Variants in SPOCK2 observed in about 807,000 individuals in gnomAD.
SPOCK2 encodes the protein SPARC (osteonectin), cwcv and kazal like domains proteoglycan 2.
SPOCK2 carries 39 observed loss-of-function variants against 60.1 expected under a neutral mutation model. The observed-to-expected ratio is 0.65, with a 90% CI of 0.50 to 0.85. SPOCK2 has a LOEUF of 0.85. SPOCK2 is among the 40% of genes least tolerant of loss of function. The pLI is 0.00. For missense variants in SPOCK2, 523 were observed against 567.4 expected, an observed-to-expected ratio of 0.92 and a Z score of 0.80; for synonymous variants, 217 against 231.5, an observed-to-expected ratio of 0.94 and a Z score of 0.57.
chr10:72,077,917 G>A (rs1385228288), intron 1 of SPOCK2, among the ~76,000 whole-genome samples: 3 of 152,168 alleles, frequency 2.0e-5, no homozygotes, highest in Non-Finnish European at 2.9e-5. Context: ...AGCGCCTCCT[G>A]AGGGTCTCCC....
chr10:72,065,328 G>A (rs563349132), intron 8 of SPOCK2, among the ~76,000 whole-genome samples: 42 of 152,292 alleles, frequency 2.8e-4, no homozygotes, highest in African/African-American at 9.6e-4. Context: ...GAGCCACCGC[G>A]CCCGGTCTAT....
intron 9 of SPOCK2, among the ~76,000 whole-genome samples, chr10:72,063,574 G>A (rs73273212): frequency 0.11 from 16,787 of 152,252 alleles, 974 homozygotes; most frequent in Admixed American, 0.16. Flanking sequence ...CTCTGAGTCC[G>A]ACCTGCCTCC....
chr10:72,072,133 A>C lies in SPOCK2; in HGVS notation c.359+11T>G. 1 of 1,483,794 alleles carries C rather than the reference A, an allele frequency of 6.7e-7. No individual in the cohort carries two copies. Among genetic ancestry groups the C allele is most frequent in the Non-Finnish European group, 9.0e-7 (1 of 1,115,368 alleles). 91.9% of individuals were successfully genotyped at this position (1,483,794 alleles called of 1,614,324 possible). On this transcript the variant is annotated intron_variant, in intron 4 of 10. Coordinates refer to ENST00000373109, the MANE Select transcript of SPOCK2 (RefSeq NM_001244950.2). ...CCCCCTCCAGGGCTCCCACCTCCCC[A>C]AACCTCTCACCTGTGCTCCAGCTTC...
intron 9 of SPOCK2, 96 bp downstream of exon 9, chr10:72,064,082 T>A: frequency 6.7e-7 from 1 of 1,483,552 alleles, no homozygotes. Context: ...GGGCTCCATG[T>A]CTGCCATGAG....
intron 8 of SPOCK2, among the ~76,000 whole-genome samples, chr10:72,066,006 A>C (rs1840562759): frequency 6.6e-6 from 1 of 152,174 alleles, no homozygotes; most frequent in Non-Finnish European, 1.5e-5. Context: ...CCCCACCAAG[A>C]TGGGGAGAAG....
At chr10:72,068,541 C>T (rs1419949066) in intron 5 of SPOCK2, among the ~76,000 whole-genome samples, 2 of 152,228 alleles carry the variant, frequency 1.3e-5, no homozygotes, top group Non-Finnish European at 2.9e-5. Context: ...TGAGCCTGCT[C>T]GGCCCTCTCT....
chr10:72,069,191 T>A (rs1840612310), intron 5 of SPOCK2: 1 of 159,756 alleles, frequency 6.3e-6, no homozygotes, highest in African/African-American at 2.4e-5. Flanking sequence ...CTCTGCCAGC[T>A]CCCCTGCACC....
chr10:72,086,439 T>A, intron 1 of SPOCK2: 1 of 1,038,208 alleles, frequency 9.6e-7, no homozygotes, highest in Non-Finnish European at 1.2e-6. Context: ...AAGCATTTCT[T>A]TTCCCTCTGA....
chr10:72,064,793 C>T (rs533056616), intron 8 of SPOCK2, among the ~76,000 whole-genome samples: 16 of 152,168 alleles, frequency 1.1e-4, no homozygotes, highest in East Asian at 1.9e-4. Flanking sequence ...TGCATTGGCG[C>T]GATCTCGGCT....
chr10:72,077,427 T>G (rs1163244210), intron 1 of SPOCK2, among the ~76,000 whole-genome samples: 2 of 152,052 alleles, frequency 1.3e-5, no homozygotes, highest in African/African-American at 4.8e-5. Context: ...ACTGTGCCCT[T>G]CCCCAAGGAG....
At chr10:72,064,135 C>A (rs112861648) in intron 9 of SPOCK2, 43 bp downstream of exon 9, 4 of 1,601,568 alleles carry the variant, frequency 2.5e-6, no homozygotes. Flanking sequence ...ACCCAGGAAG[C>A]CGTCCCCACC....
chr10:72,062,681 G>A lies in SPOCK2; in HGVS notation c.*79C>T. On this transcript the variant is annotated 3_prime_UTR_variant, in exon 11 of 11. Transcript: ENST00000373109. The surrounding 1 kb of genome is among the most constrained non-coding windows in gnomAD (Gnocchi z 4.3). Reference sequence around the variant, plus strand: ...GCAGGGTCCTTCTGACTGCATTTCTGGATCCGTTCTCGAAGTTGCCTGCTG... The same window carrying A: ...GCAGGGTCCTTCTGACTGCATTTCTAGATCCGTTCTCGAAGTTGCCTGCTG... 1.3e-6 allele frequency: 2 copies of A among 1,529,302 alleles called. No homozygotes were observed. The highest frequency in any genetic ancestry group is 2.5e-5 in the South Asian group (2 of 80,388). 94.7% of individuals were successfully genotyped at this position (1,529,302 alleles called of 1,614,324 possible).
intron 1 of SPOCK2, among the ~76,000 whole-genome samples, chr10:72,083,889 C>T (rs974524517): frequency 4.6e-5 from 7 of 152,224 alleles, no homozygotes; most frequent in Non-Finnish European, 1.0e-4. Context: ...TTCTCACACA[C>T]CCACACTTAC....
chr10:72,082,438 C>T (rs138292441), intron 1 of SPOCK2, among the ~76,000 whole-genome samples: 7 of 152,336 alleles, frequency 4.6e-5, no homozygotes, highest in African/African-American at 1.2e-4. Flanking sequence ...GTGTCCCCCC[C>T]AGACCCATAT....
In SPOCK2 at chr10:72,088,461, G is replaced by A; in HGVS notation, c.-133C>T. ...CCGCGGTCTGCCTCCGGTGACTGGC[G>A]GAGAGTGGGTCGCGGCTGAAATGTG... On this transcript the variant is annotated 5_prime_UTR_variant, in exon 1 of 11. Transcript: ENST00000373109. 2 of 1,087,744 alleles carry A rather than the reference G, an allele frequency of 1.8e-6. No homozygotes were observed. The highest frequency in any genetic ancestry group is 2.5e-6 in the Non-Finnish European group (2 of 785,586). The allele number at this position is 1,087,744 out of a possible 1,614,324, so 67.4% of individuals were successfully genotyped here.
intron 1 of SPOCK2, among the ~76,000 whole-genome samples, chr10:72,078,972 C>T (rs969154522): frequency 2.6e-5 from 4 of 152,218 alleles, no homozygotes; most frequent in Non-Finnish European, 5.9e-5. Flanking sequence ...TAGTAATACA[C>T]ACTCCTAACA....
chr10:72,081,454 G>T (rs940700687), intron 1 of SPOCK2, among the ~76,000 whole-genome samples: 1 of 152,246 alleles, frequency 6.6e-6, no homozygotes, highest in Non-Finnish European at 1.5e-5. Context: ...GAAGACAGCA[G>T]GAGGGGGCTG....
Position 72,061,227 on chromosome 10 carries a change from G to A in SPOCK2, c.*1533C>T, listed in dbSNP as rs895614952. On this transcript the variant is annotated 3_prime_UTR_variant, in exon 11 of 11. Transcript: ENST00000373109. ...TGCACAGGGCCTCTTCTCATCTGGT[G>A]AGATGAGCTCACACTGCTCAGGGGA... The A allele has an allele frequency of 9.2e-5, 14 of 152,408 alleles. No individual in the cohort carries two copies. The highest frequency in any genetic ancestry group is 3.1e-4 in the African/African-American group (13 of 41,452). 9.4% of individuals were successfully genotyped at this position (152,408 alleles called of 1,614,324 possible).
intron 9 of SPOCK2, among the ~76,000 whole-genome samples, 193 bp from the exon 10 acceptor site, chr10:72,063,355 C>T (rs181690697): frequency 2.0e-5 from 3 of 152,346 alleles, no homozygotes; most frequent in East Asian, 3.9e-4. Context: ...CGGCTCTACT[C>T]GCTGGAGATG....
Sources: gnomAD v4.1 joint callset for allele counts (sites outside exome capture counted in the v4.1 genomes callset) on GRCh38, gnomAD v4.1.1 for gene constraint, Gnocchi (gnomAD v3.1) non-coding constraint, MANE v1.5 for transcripts, NCBI Gene and HGNC (gene_info 2026-07-23, HGNC 2026-07-21) for gene names.